The following GEN1 variants were observed in gnomAD, a reference collection of about 807,000 sequenced individuals.
GEN1 encodes the protein GEN1 structure-specific endonuclease.
A neutral mutation model predicts 67.6 loss-of-function variants in GEN1; 64 were observed. The ratio of observed to expected loss-of-function variants is 0.95; its 90% confidence interval spans 0.77 to 1.17. GEN1 has a LOEUF of 1.17. GEN1 is among the 50% of genes most tolerant of loss of function. GEN1 has a pLI of 0.00. For missense variants in GEN1, 1,058 were observed against 1,048.3 expected (o/e 1.01, Z -0.13); for synonymous variants, 371 against 359.4 (o/e 1.03, Z -0.37).
At position 17,757,147 on chromosome 2, in the gene GEN1, C is replaced by T. The variant is rs148395129; in HGVS notation, c.-15-2782C>T. Among the ~76,000 whole-genome samples, 355 of 151,826 alleles carry T rather than the reference C, an allele frequency of 2.3e-3. 10 individuals are homozygous for T. In the East Asian group the frequency reaches 0.058, roughly 25 times the overall value. On this transcript the variant is annotated intron_variant, in intron 1 of 13. Transcript: ENST00000381254. ...GAAATGAAATAATAAAAACTAAATT[C>T]TAACTGTAGTAATCATGTGATATTA...
In GEN1 at chr2:17,780,868, T is replaced by C. The variant is rs781763488; in HGVS notation, c.1656T>C (p.Ala552=). 7 of 1,613,894 alleles carry C rather than the reference T, an allele frequency of 4.3e-6. No individual in the cohort carries two copies. The Middle Eastern group carries it at 5.0e-4, about 114-fold the overall frequency. Residue 552 remains alanine (A), a synonymous_variant, in exon 14 of 14, where the codon GCT becomes GCC. Transcript: ENST00000381254. ...EQFMSSLRPL[A]IQQIKAVSKS... The stretch of plus-strand genomic sequence containing the variant: ...TCATGTCTTCTCTAAGACCTTTGGC[T>C]ATACAGCAAATTAAAGCTGTCAGTA...
Position 17,761,501 on chromosome 2 carries a change from G to A in GEN1, c.267G>A (p.Arg89=). The part of the protein sequence containing the change: ...PKLKADVISK[R]NQSRYGSSGK... Reference sequence around the variant, plus strand: ...TGAAAGCTGATGTCATAAGCAAGAGGAATCAGTCTCGGTATGGGTCTTCTG... The same window carrying A: ...TGAAAGCTGATGTCATAAGCAAGAGAAATCAGTCTCGGTATGGGTCTTCTG... The change falls in exon 3 of 14, where the codon AGG becomes AGA. Residue 89 remains arginine (R), a synonymous_variant. Coordinates refer to ENST00000381254, the MANE Select transcript of GEN1 (RefSeq NM_001130009.3). 3 of 1,613,074 alleles carry A rather than the reference G, an allele frequency of 1.9e-6. No individual in the cohort carries two copies. Among genetic ancestry groups the A allele is most frequent in the Non-Finnish European group, 2.5e-6 (3 of 1,179,136 alleles).
chr2:17,778,208 A>ATATATATATACACACACACATATATGTG lies in GEN1; in HGVS notation c.1264+152_1264+153insATACACACACACATATATGTGTATATAT, dbSNP rs1558408677. 15 of 365,954 alleles carry ATATATATATACACACACACATATATGTG rather than the reference A, an allele frequency of 4.1e-5. No individual in the cohort carries two copies. The African/African-American group carries it at 4.5e-4, about 11-fold the overall frequency. 22.7% of individuals were successfully genotyped at this position (365,954 alleles called of 1,614,324 possible). ...TATATACACACACACATATATGTGTATATATATGTATACACACACATATAT... is the reference window on the plus strand; with the variant it reads ...TATATACACACACACATATATGTGTATATATATATACACACACACATATATGTGTATATATGTATACACACACATATAT... On this transcript the variant is annotated intron_variant, in intron 12 of 13. Transcript: ENST00000381254.
At chr2:17,775,492 T>C (rs2125154786) in intron 11 of GEN1, among the ~76,000 whole-genome samples, 1 of 152,354 alleles carries the variant, frequency 6.6e-6, no homozygotes, top group East Asian at 1.9e-4. Flanking sequence ...CAGATAGTTA[T>C]ACTACAAATT....
At position 17,765,069 on chromosome 2, in the gene GEN1, C is replaced by T; in HGVS notation, c.521C>T (p.Thr174Ile). Residue 174 changes from threonine (T) to isoleucine (I), a missense_variant, in exon 4 of 14, where the codon ACA becomes ATA. Transcript: ENST00000381254. ...GTTTACAGGAATTTCACTATGAATA[C>T]AAAGGTGTTTATTTTCTTTCTCTTT... Reference protein sequence around the residue: ...QTVYRNFTMNTKDPHVDCYTM... With the variant: ...QTVYRNFTMNIKDPHVDCYTM... 1.9e-6 allele frequency: 3 copies of T among 1,613,182 alleles called. No homozygotes were observed. The highest frequency in any genetic ancestry group is 2.5e-6 in the Non-Finnish European group (3 of 1,179,676).
At chr2:17,756,379 A>G (rs995201664) in intron 1 of GEN1, among the ~76,000 whole-genome samples, 3 of 152,230 alleles carry the variant, frequency 2.0e-5, no homozygotes, top group Non-Finnish European at 4.4e-5. Flanking sequence ...TGTGACAGCT[A>G]ATTCTTAAAA....
At chr2:17,768,657 G>C (rs543754539) in intron 5 of GEN1, 81 bp from the exon 6 acceptor site, 4 of 999,724 alleles carry the variant, frequency 4.0e-6, no homozygotes, top group Non-Finnish European at 6.2e-6. Flanking sequence ...TTCAGCTGCT[G>C]ACTCTTCCGT....
rs1321482739 is a variant in GEN1, at chr2:17,783,039, T to A, written c.*1100T>A. 1 of 152,140 alleles carries A rather than the reference T, an allele frequency of 6.6e-6. No homozygotes were observed. Among genetic ancestry groups the A allele is most frequent in the East Asian group, 1.9e-4 (1 of 5,184 alleles). The allele number at this position is 152,140 out of a possible 1,614,324, so 9.4% of individuals were successfully genotyped here. On this transcript the variant is annotated 3_prime_UTR_variant, in exon 14 of 14. Transcript: ENST00000381254. The stretch of plus-strand genomic sequence containing the variant: ...CGTAGAATACAAGACCAATGTGCAA[T>A]GATCATTGCATTTTGTTTTTGTTTG...
At chr2:17,757,029 T>A (rs1671462967) in intron 1 of GEN1, among the ~76,000 whole-genome samples, 1 of 152,242 alleles carries the variant, frequency 6.6e-6, no homozygotes, top group Non-Finnish European at 1.5e-5. Context: ...ATTATGATGT[T>A]CTTTCTAATA....
upstream of GEN1, among the ~76,000 whole-genome samples, chr2:17,753,325 G>GGGGACGGCCGCCTGGGAC: frequency 7.9e-6 from 1 of 125,854 alleles, no homozygotes; most frequent in Non-Finnish European, 1.7e-5. Context: ...GGGAGAGTCT[G>GGGGACGGCCGCCTGGGAC]GGGACGGCCG....
chr2:17,771,190 T>C lies in GEN1; in HGVS notation c.711-6T>C. On this transcript the variant is annotated splice_polypyrimidine_tract_variant and splice_region_variant and intron_variant, in intron 6 of 13. Coordinates refer to ENST00000381254, the MANE Select transcript of GEN1 (RefSeq NM_001130009.3). ...TCCTTTTTTTAAAAACCACTTTCTA[T>C]TAAAGGTTTAATCGGTGGAATGAAA... 6.3e-7 allele frequency: 1 copy of C among 1,590,028 alleles called. No homozygotes were observed. The highest frequency in any genetic ancestry group is 8.6e-7 in the Non-Finnish European group (1 of 1,158,478).
intron 13 of GEN1, 116 bp from the exon 14 acceptor site, chr2:17,780,505 A>G (rs1672771339): frequency 1.5e-6 from 1 of 680,302 alleles, no homozygotes; most frequent in South Asian, 2.3e-5. Context: ...CTGAGATCAA[A>G]AAAAGGCAGA....
chr2:17,758,924 CAG>C (rs1440120421), intron 1 of GEN1, among the ~76,000 whole-genome samples: 1 of 151,324 alleles, frequency 6.6e-6, no homozygotes, highest in Non-Finnish European at 1.5e-5. Flanking sequence ...TTCAGAAAAA[CAG>C]GGTAAGTCAC....
chr2:17,770,441 G>A (rs1196911986), intron 6 of GEN1, among the ~76,000 whole-genome samples: 1 of 152,070 alleles, frequency 6.6e-6, no homozygotes, highest in Non-Finnish European at 1.5e-5. Context: ...ACCAGATACT[G>A]CACAATGACC....
rs976905932 is a variant in GEN1, at chr2:17,788,124, A to G, written c.*6185A>G. 6.6e-6 allele frequency: 1 copy of G among 152,236 alleles called. No individual in the cohort carries two copies. The highest frequency in any genetic ancestry group is 1.5e-5 in the Non-Finnish European group (1 of 68,048). The allele number at this position is 152,236 out of a possible 1,614,324, so 9.4% of individuals were successfully genotyped here. A position where few individuals can be genotyped will look rare whatever the true frequency, so the allele number is the denominator to read the frequency against. On this transcript the variant is annotated 3_prime_UTR_variant, in exon 14 of 14. Transcript: ENST00000381254. Reference sequence around the variant, plus strand: ...TTCTGAAGGTGAAGAGTCTAAATCAACTGCTGTTCCTGTTCTGCTGGTAGC... The same window carrying G: ...TTCTGAAGGTGAAGAGTCTAAATCAGCTGCTGTTCCTGTTCTGCTGGTAGC...
In GEN1 at chr2:17,783,110, T is replaced by G. The variant is rs1028561059; in HGVS notation, c.*1171T>G. On this transcript the variant is annotated 3_prime_UTR_variant, in exon 14 of 14. Coordinates refer to ENST00000381254, the MANE Select transcript of GEN1 (RefSeq NM_001130009.3). ...AGTCTCACTCTTGTCGAGACTGGGG[T>G]GTAGTGGCGCCATCTTGGCTCACTG... The G allele has an allele frequency of 3.3e-5, 5 of 152,114 alleles. No homozygotes were observed. Among genetic ancestry groups the G allele is most frequent in the African/African-American group, 9.7e-5 (4 of 41,364 alleles). 9.4% of individuals were successfully genotyped at this position (152,114 alleles called of 1,614,324 possible).
chr2:17,779,312 CTG>C (rs1050694310), intron 12 of GEN1, among the ~76,000 whole-genome samples: 8 of 152,180 alleles, frequency 5.3e-5, no homozygotes, highest in African/African-American at 1.9e-4. Flanking sequence ...TTTTAGGAAA[CTG>C]TTTCATTTCT....
chr2:17,781,475 C>G lies in GEN1; in HGVS notation c.2263C>G (p.Pro755Ala). The G allele has an allele frequency of 1.2e-6, 2 of 1,613,420 alleles. No homozygotes were observed. Among genetic ancestry groups the G allele is most frequent in the South Asian group, 1.1e-5 (1 of 91,064 alleles). ...QEDYKVNTSV[P>A]YSVSNTVVKT... The stretch of plus-strand genomic sequence containing the variant: ...AGACTATAAAGTCAATACTTCTGTC[C>G]CTTATTCTGTCAGTAACACAGTGGT... The change falls in exon 14 of 14, where the codon CCT (proline) becomes GCT (alanine). Residue 755 changes from proline (P) to alanine (A), a missense_variant. Physicochemically the swap from Pro to Ala is conservative, Grantham distance 27. Coordinates refer to ENST00000381254, the MANE Select transcript of GEN1 (RefSeq NM_001130009.3).
chr2:17,771,487 A>T (rs1209142994), intron 7 of GEN1, among the ~76,000 whole-genome samples, 200 bp downstream of exon 7: 1 of 152,186 alleles, frequency 6.6e-6, no homozygotes, highest in Non-Finnish European at 1.5e-5. Flanking sequence ...GAAACCAATA[A>T]TGTGATGTAG....
Sources: allele counts gnomAD v4.1 joint callset (sites outside exome capture counted in the v4.1 genomes callset), GRCh38; gene constraint gnomAD v4.1.1; transcripts MANE v1.5; gene names NCBI Gene and HGNC (gene_info 2026-07-23, HGNC 2026-07-21).